ASXL3: variants seen among roughly 807,000 people sequenced by gnomAD.
The protein encoded by ASXL3 is putative Polycomb group protein ASXL3.
A neutral mutation model predicts 170.6 loss-of-function variants in ASXL3; 34 were observed. That is an observed-to-expected ratio of 0.20 (90% confidence interval 0.15 to 0.27). The LOEUF is 0.27. Ranked by LOEUF, ASXL3 falls within the 10% of genes least tolerant of loss-of-function variation. ASXL3 has a pLI of 1.00. For missense variants in ASXL3, 2,592 were observed against 2,695.3 expected, an observed-to-expected ratio of 0.96 and a Z score of 0.85; for synonymous variants, 1,002 against 989.1, an observed-to-expected ratio of 1.01 and a Z score of -0.24.
At chr18:33,637,530 GTAGC>G in intron 2 of ASXL3, among the ~76,000 whole-genome samples, 1 of 152,264 alleles carries the variant, frequency 6.6e-6, no homozygotes, top group African/African-American at 2.4e-5. Context: ...GAGAGAATGA[GTAGC>G]TACAGGTTGA....
chr18:33,671,117 T>G (rs2066333832), intron 6 of ASXL3, among the ~76,000 whole-genome samples: 1 of 152,160 alleles, frequency 6.6e-6, no homozygotes, highest in Admixed American at 6.6e-5. Context: ...GTGGACCACA[T>G]GCTGATGTAT....
chr18:33,728,661 T>C (rs918003748), intron 8 of ASXL3, among the ~76,000 whole-genome samples: 2 of 152,164 alleles, frequency 1.3e-5, no homozygotes, highest in African/African-American at 4.8e-5. Flanking sequence ...TAATGTCTCC[T>C]GAAATGTTCT....
intron 7 of ASXL3, among the ~76,000 whole-genome samples, chr18:33,682,715 TA>T (rs1265275282): frequency 6.6e-6 from 1 of 151,952 alleles, no homozygotes; most frequent in Non-Finnish European, 1.5e-5. Context: ...CCTGCCTAAT[TA>T]AAAAAAATTT....
rs146713436 is a variant in ASXL3 at position 33,712,873 on chromosome 18, C to T, written c.880-19095C>T. On this transcript the variant is annotated intron_variant, in intron 8 of 11. Coordinates refer to ENST00000269197, the MANE Select transcript of ASXL3 (RefSeq NM_030632.3). ...ACAGTCTGCAAGTAGCCAGTGCATC[C>T]GTGGGAGTTTGGCAGTTTTGCTCCT... Among the ~76,000 whole-genome samples, 9 of 152,210 alleles carry T rather than the reference C, an allele frequency of 5.9e-5. No individual in the cohort carries two copies. In the South Asian group the frequency reaches 6.2e-4, roughly 11 times the overall value.
intron 4 of ASXL3, among the ~76,000 whole-genome samples, chr18:33,656,471 T>C (rs1182272790): frequency 6.6e-6 from 1 of 152,100 alleles, no homozygotes; most frequent in Non-Finnish European, 1.5e-5. Flanking sequence ...CAATTAATAG[T>C]ACACAATATC....
chr18:33,746,254 C>G lies in ASXL3; in HGVS notation c.6406C>G (p.Gln2136Glu), dbSNP rs1360535131. The change falls in exon 12 of 12, where the codon CAA becomes GAA. Residue 2136 changes from glutamine to glutamate, a missense_variant. Physicochemically the swap from Gln to Glu is conservative, Grantham distance 29 (BLOSUM62 2). This residue lies in a region of ASXL3 where 2,246 missense variants were observed against 2,219.6 expected (regional missense o/e 1.01). Transcript: ENST00000269197. ...LLSEPQKPFT[Q>E]LAAQKMQVQQ... ...TTCTGAGCCACAAAAGCCTTTTACC[C>G]AATTAGCTGCTCAGAAAATGCAGGT... 2 of 1,613,812 alleles carry G rather than the reference C, an allele frequency of 1.2e-6. No homozygotes were observed. The highest frequency in any genetic ancestry group is 2.7e-5 in the African/African-American group (2 of 74,902).
At chr18:33,580,220 C>G (rs970282752) in intron 1 of ASXL3, among the ~76,000 whole-genome samples, 1 of 152,226 alleles carries the variant, frequency 6.6e-6, no homozygotes, top group Non-Finnish European at 1.5e-5. Flanking sequence ...CTTTAATGAA[C>G]TGCATCTGGA....
chr18:33,584,023 T>C (rs1320818386), intron 1 of ASXL3, among the ~76,000 whole-genome samples: 2 of 152,020 alleles, frequency 1.3e-5, no homozygotes, highest in African/African-American at 4.8e-5. Context: ...GACACATGAG[T>C]GATCAAGCAG....
At position 33,746,265 on chromosome 18, in the gene ASXL3, T is replaced by C. The variant is rs778149181; in HGVS notation, c.6417T>C (p.Ala2139=). The C allele has an allele frequency of 3.1e-6, 5 of 1,613,864 alleles. No homozygotes were observed. Among genetic ancestry groups the C allele is most frequent in the Non-Finnish European group, 3.4e-6 (4 of 1,179,900 alleles). Residue 2139 remains alanine (A), a synonymous_variant, in exon 12 of 12, where the codon GCT becomes GCC. Transcript: ENST00000269197. ...AAAAGCCTTTTACCCAATTAGCTGC[T>C]CAGAAAATGCAGGTGCAGCAACAAC... ...EPQKPFTQLA[A]QKMQVQQQQQ...
In ASXL3 at chr18:33,744,314, T is replaced by A. The variant is rs1404895648; in HGVS notation, c.4466T>A (p.Val1489Asp). The change falls in exon 12 of 12, where the codon GTC becomes GAC. Residue 1489 changes from valine to aspartate, a missense_variant. By Grantham distance (152) the Val-to-Asp change is radical (BLOSUM62 -3). Coordinates refer to ENST00000269197, the MANE Select transcript of ASXL3 (RefSeq NM_030632.3). ...CTGACCTCCAGTTTGTCTCTGACTG[T>A]CTCCGTTGAAAGCTCAGAAGCCAGC... ...TTLTSSLSLT[V>D]SVESSEASLD... 1.2e-6 allele frequency: 2 copies of A among 1,613,986 alleles called. No individual in the cohort carries two copies. Among genetic ancestry groups the A allele is most frequent in the Middle Eastern group, 1.6e-4 (1 of 6,062 alleles).
At chr18:33,648,104 T>TTGA (rs1397394199) in intron 4 of ASXL3, among the ~76,000 whole-genome samples, 2 of 152,130 alleles carry the variant, frequency 1.3e-5, no homozygotes, top group Non-Finnish European at 2.9e-5. Flanking sequence ...ATATGGTGCC[T>TTGA]TGATGCTGGC....
chr18:33,737,593 G>C (rs375628410), intron 10 of ASXL3, among the ~76,000 whole-genome samples: 19 of 152,136 alleles, frequency 1.2e-4, no homozygotes, highest in African/African-American at 4.3e-4. Context: ...TACCTATCAC[G>C]TATGGAATAT....
chr18:33,686,041 A>G (rs532362270), intron 8 of ASXL3, among the ~76,000 whole-genome samples: 1 of 152,354 alleles, frequency 6.6e-6, no homozygotes, highest in African/African-American at 2.4e-5. Flanking sequence ...GTTTTAGTCG[A>G]ATATTGATGG....
chr18:33,723,624 G>A lies in ASXL3; in HGVS notation c.880-8344G>A, dbSNP rs546474365. Among the ~76,000 whole-genome samples, 9 of 152,262 alleles carry A rather than the reference G, an allele frequency of 5.9e-5. No homozygotes were observed. The South Asian group carries it at 1.9e-3, about 32-fold the overall frequency. On this transcript the variant is annotated intron_variant, in intron 8 of 11. Coordinates refer to ENST00000269197, the MANE Select transcript of ASXL3 (RefSeq NM_030632.3). ...TAAGATAGCTGTGAACATCGTTGAA[G>A]TAAAAACAAAGGACTTCGAATATTC...
intron 5 of ASXL3, among the ~76,000 whole-genome samples, chr18:33,668,892 CCAAA>C (rs891702242): frequency 8.6e-6 from 1 of 116,212 alleles, no homozygotes; most frequent in African/African-American, 3.4e-5. Flanking sequence ...TAAACTCTAA[CCAAA>C]CACACACACA....
chr18:33,693,531 T>C (rs2066720886), intron 8 of ASXL3, among the ~76,000 whole-genome samples: 1 of 152,014 alleles, frequency 6.6e-6, no homozygotes, highest in East Asian at 1.9e-4. Flanking sequence ...GATGGTAGTG[T>C]ATGTAAGTGT....
intron 2 of ASXL3, chr18:33,614,949 T>C (rs1457684737): frequency 2.6e-5 from 4 of 152,158 alleles, no homozygotes; most frequent in African/African-American, 9.6e-5. Context: ...GTAGCAGATG[T>C]AACATAATGT....
At chr18:33,698,095 A>G (rs1412488517) in intron 8 of ASXL3, among the ~76,000 whole-genome samples, 1 of 152,126 alleles carries the variant, frequency 6.6e-6, no homozygotes, top group Non-Finnish European at 1.5e-5. Flanking sequence ...TTGAACTCCA[A>G]GCTGATGTTA....
rs144550115 is a variant in ASXL3, at chr18:33,642,953, G to T, written c.138-1941G>T. ...TGGAATCATGTGCATTAGGGCCTTA[G>T]GAATAAAGAGAAGAAACAGCATTGT... On this transcript the variant is annotated intron_variant, in intron 2 of 11. Transcript: ENST00000269197. Among the ~76,000 whole-genome samples the T allele has an allele frequency of 2.8e-4, 42 of 151,918 alleles. No individual in the cohort carries two copies. In the East Asian group the frequency reaches 6.8e-3, roughly 25 times the overall value.
Sources: gnomAD v4.1 joint callset for allele counts (sites outside exome capture counted in the v4.1 genomes callset) on GRCh38, gnomAD v4.1.1 for gene constraint, gnomAD v4.1.1 regional missense constraint, MANE v1.5 for transcripts, NCBI Gene and HGNC (gene_info 2026-07-23, HGNC 2026-07-21) for gene names.